Variants in ZNF536 observed in about 807,000 individuals in gnomAD.
The protein encoded by ZNF536 is zinc finger protein 536.
ZNF536 carries 13 observed loss-of-function variants against 84.5 expected under a neutral mutation model. That is an observed-to-expected ratio of 0.15 (90% CI 0.10 to 0.24). The LOEUF (loss-of-function observed/expected upper bound fraction) is 0.24. Ranked by LOEUF, ZNF536 falls within the 10% of genes least tolerant of loss-of-function variation. The probability of loss-of-function intolerance (pLI) is 1.00; values close to 1 mark genes in which losing one functional copy is unlikely to be tolerated. For synonymous variants in ZNF536, 811 were observed against 742.5 expected, an observed-to-expected ratio of 1.09 and a Z score of -1.50; for missense variants, 1,536 against 1,747.5, an observed-to-expected ratio of 0.88 and a Z score of 2.16.
rs1486134980 is a variant in ZNF536 at position 30,652,648 on chromosome 19, T to C, written c.170-58109T>C. 2.6e-5 allele frequency among the ~76,000 whole-genome samples: 4 copies of C among 152,168 alleles called. No individual in the cohort carries two copies. In the East Asian group the frequency reaches 7.7e-4, roughly 29 times the overall value. On this transcript the variant is annotated intron_variant, in intron 1 of 1. Transcript: ENST00000592773. ...TCTGTAGGACTCACCAGGAAACTTT[T>C]CCCCCTTTACTGTGTGTGCTGTGTC...
chr19:30,290,897 TTC>T (rs2045815862), intron 2 of ZNF536, among the ~76,000 whole-genome samples: 1 of 152,204 alleles, frequency 6.6e-6, no homozygotes, highest in African/African-American at 2.4e-5. Flanking sequence ...TGTCCATGTG[TTC>T]TCATTGTTCA....
chr19:30,439,959 C>CTTTTTTTTTTT (rs199638233), intron 1 of ZNF536, among the ~76,000 whole-genome samples: 7 of 96,396 alleles, frequency 7.3e-5, no homozygotes, highest in African/African-American at 1.8e-4. Flanking sequence ...TTCTTTCTTT[C>CTTTTTTTTTTT]TTTTTTTTTT....
At chr19:30,290,238 A>G (rs922309961) in intron 2 of ZNF536, among the ~76,000 whole-genome samples, 1 of 152,238 alleles carries the variant, frequency 6.6e-6, no homozygotes, top group Non-Finnish European at 1.5e-5. Flanking sequence ...AGATTCTGCT[A>G]TACAGTATGT....
chr19:30,391,012 C>G (rs950407545), intron 1 of ZNF536, among the ~76,000 whole-genome samples: 1 of 152,206 alleles, frequency 6.6e-6, no homozygotes, highest in Non-Finnish European at 1.5e-5. Context: ...CACTAGGGAC[C>G]AAGTTTTGCC....
intron 2 of ZNF536, among the ~76,000 whole-genome samples, chr19:30,334,974 C>T (rs918800643): frequency 2.0e-5 from 3 of 152,182 alleles, no homozygotes; most frequent in African/African-American, 7.2e-5. Context: ...CGGGAATGCT[C>T]GCTCACTCTC....
intron 4 of ZNF536, among the ~76,000 whole-genome samples, chr19:30,553,712 C>T (rs1024149158): frequency 4.6e-5 from 7 of 152,232 alleles, no homozygotes; most frequent in Non-Finnish European, 2.9e-5. Flanking sequence ...CACCTGTAAT[C>T]CCAGCACTCT....
At chr19:30,356,630 T>C (rs186285838) in intron 3 of ZNF536, among the ~76,000 whole-genome samples, 157 of 152,330 alleles carry the variant, frequency 1.0e-3, no homozygotes, top group African/African-American at 3.4e-3. Flanking sequence ...GCAAACTCCT[T>C]TGTAGCTGCT....
At chr19:30,562,052 G>A (rs2046188671), downstream of ZNF536, among the ~76,000 whole-genome samples, 1 of 152,162 alleles carries the variant, frequency 6.6e-6, no homozygotes, top group South Asian at 2.1e-4. Flanking sequence ...CTGGCGGGCT[G>A]GTCTGGGGGA....
At chr19:30,298,965 A>G (rs2046093373) in intron 2 of ZNF536, among the ~76,000 whole-genome samples, 1 of 152,102 alleles carries the variant, frequency 6.6e-6, no homozygotes, top group African/African-American at 2.4e-5. Context: ...CACATTAAAA[A>G]TAATCTGCAT....
At chr19:30,603,443 C>A (rs542545920) in intron 1 of ZNF536, among the ~76,000 whole-genome samples, 5 of 152,164 alleles carry the variant, frequency 3.3e-5, no homozygotes, top group Non-Finnish European at 7.3e-5. Context: ...TCTCTTTAAA[C>A]GAACAAATAG....
At chr19:30,466,604 A>AGAGAGAG (rs1568460022) in intron 2 of ZNF536, among the ~76,000 whole-genome samples, 2 of 106,634 alleles carry the variant, frequency 1.9e-5, no homozygotes, top group African/African-American at 4.5e-5. Flanking sequence ...GAGAGAGAGA[A>AGAGAGAG]AGAAAAGAGA....
At chr19:30,348,809 CTTTTCTTTTTTTT>C (rs901889680) in intron 2 of ZNF536, among the ~76,000 whole-genome samples, 3 of 106,476 alleles carry the variant, frequency 2.8e-5, no homozygotes, top group South Asian at 3.3e-4. Context: ...CTTTTTTTTT[CTTTTCTTTTTTTT>C]TTTTTATTTT....
chr19:30,462,189 G>T (rs1200588460), intron 2 of ZNF536, among the ~76,000 whole-genome samples: 1 of 152,166 alleles, frequency 6.6e-6, no homozygotes, highest in African/African-American at 2.4e-5. Context: ...CGAGGCCCTG[G>T]CCCCACCTAA....
chr19:30,349,391 G>A (rs1204878402), intron 2 of ZNF536, among the ~76,000 whole-genome samples: 1 of 152,288 alleles, frequency 6.6e-6, no homozygotes, highest in East Asian at 1.9e-4. Context: ...GAGTGGTCAG[G>A]TGGAAAATGT....
intron 1 of ZNF536, among the ~76,000 whole-genome samples, chr19:30,611,077 G>A (rs533185316): frequency 1.3e-5 from 2 of 152,296 alleles, no homozygotes; most frequent in African/African-American, 4.8e-5. Flanking sequence ...AAAATAGGAA[G>A]GTCGTTGTTA....
chr19:30,505,276 A>G (rs1207805851), intron 2 of ZNF536, among the ~76,000 whole-genome samples: 1 of 147,726 alleles, frequency 6.8e-6, no homozygotes, highest in African/African-American at 2.5e-5. Flanking sequence ...CATATTATAT[A>G]CTAATAAATA....
intron 2 of ZNF536, among the ~76,000 whole-genome samples, chr19:30,323,269 T>C (rs1453394957): frequency 6.6e-6 from 1 of 152,150 alleles, no homozygotes; most frequent in Non-Finnish European, 1.5e-5. Context: ...TGCCTCCTTT[T>C]CCCCTAGCCC....
At chr19:30,430,570 G>A (rs887398079) in intron 1 of ZNF536, among the ~76,000 whole-genome samples, 7 of 152,168 alleles carry the variant, frequency 4.6e-5, no homozygotes, top group African/African-American at 1.7e-4. Flanking sequence ...TGGAAGAAGT[G>A]GTATTTAATT....
intron 3 of ZNF536, among the ~76,000 whole-genome samples, chr19:30,355,701 G>A (rs2048072163): frequency 6.6e-6 from 1 of 152,118 alleles, no homozygotes; most frequent in Non-Finnish European, 1.5e-5. Flanking sequence ...TCAAGCAGGA[G>A]CTGAGCTGCA....
Sources: allele counts gnomAD v4.1 joint callset (sites outside exome capture counted in the v4.1 genomes callset), GRCh38; gene constraint gnomAD v4.1.1; transcripts MANE v1.5; gene names NCBI Gene and HGNC (gene_info 2026-07-23, HGNC 2026-07-21).